Variants in ERCC6L2 observed in about 807,000 individuals in gnomAD.
The protein encoded by ERCC6L2 is ERCC excision repair 6 like 2.
Under a neutral mutation model 132.0 loss-of-function variants are expected in ERCC6L2, and 77 were observed. That is an observed-to-expected ratio of 0.58 (90% confidence interval 0.49 to 0.71). The LOEUF is 0.71. Ranked by LOEUF, ERCC6L2 falls within the 30% of genes least tolerant of loss-of-function variation. The pLI is 0.00. For synonymous variants in ERCC6L2, 583 were observed against 632.4 expected (o/e 0.92, Z 1.17); for missense variants, 1,542 against 1,837.6 (o/e 0.84, Z 2.94).
intron 7 of ERCC6L2, 128 bp downstream of exon 7, chr9:95,921,443 A>T (rs1189721695): frequency 5.1e-6 from 3 of 588,678 alleles, no homozygotes; most frequent in Non-Finnish European, 7.8e-6. Flanking sequence ...TGTCTTAAAA[A>T]ATAGTTTTCA....
chr9:95,930,002 A>G (rs1176112186), intron 11 of ERCC6L2, among the ~76,000 whole-genome samples: 6 of 152,226 alleles, frequency 3.9e-5, no homozygotes, highest in Non-Finnish European at 5.9e-5. Context: ...TAACCTATCC[A>G]TTGAATTTTT....
rs754908597 is a variant in ERCC6L2 at position 95,881,046 on chromosome 9, T to G, written c.224T>G (p.Val75Gly). The G allele has an allele frequency of 1.7e-5, 27 of 1,613,890 alleles. No individual in the cohort carries two copies. The highest frequency in any genetic ancestry group is 3.3e-5 in the Admixed American group (2 of 60,002). The change falls in exon 2 of 19, where the codon GTT becomes GGT. Residue 75 changes from valine (V) to glycine (G), a missense_variant. Coordinates refer to ENST00000653738, the MANE Select transcript of ERCC6L2 (RefSeq NM_020207.7). ...PLKQLQEVKF[V>G]KDCPRNLIFD... is the part of the protein sequence containing the mutation. ...AAACAGCTTCAAGAAGTGAAATTTG[T>G]TAAAGATTGCCCTAGGAATCTTATA...
intron 3 of ERCC6L2, among the ~76,000 whole-genome samples, chr9:95,901,774 G>T (rs1564206546): frequency 6.6e-6 from 1 of 152,192 alleles, no homozygotes. Flanking sequence ...ATACAAACGT[G>T]TTGAGTTAGT....
intron 3 of ERCC6L2, 87 bp downstream of exon 3, chr9:95,898,058 G>A: frequency 8.3e-7 from 1 of 1,202,992 alleles, no homozygotes; most frequent in Non-Finnish European, 1.1e-6. Flanking sequence ...ACATTAAAAT[G>A]TATTGGTATA....
rs533187115 is a variant in ERCC6L2 at position 95,953,645 on chromosome 9, A to G, written c.1848-2269A>G. Among the ~76,000 whole-genome samples, 8 of 152,192 alleles carry G rather than the reference A, an allele frequency of 5.3e-5. No individual in the cohort carries two copies. In the South Asian group the frequency reaches 1.7e-3, roughly 32 times the overall value. ...TTCTGGTGCTAATTTCAATTTTTAA[A>G]TTCATTTATTAAAAAAGAAAGGCCA... On this transcript the variant is annotated intron_variant, in intron 12 of 18. Coordinates refer to ENST00000653738, the MANE Select transcript of ERCC6L2 (RefSeq NM_020207.7).
chr9:95,973,002 C>G lies in ERCC6L2; in HGVS notation c.3251C>G (p.Thr1084Ser). 1 of 1,358,234 alleles carries G rather than the reference C, an allele frequency of 7.4e-7. No individual in the cohort carries two copies. The highest frequency in any genetic ancestry group is 9.8e-7 in the Non-Finnish European group (1 of 1,017,404). 84.1% of individuals were successfully genotyped at this position (1,358,234 alleles called of 1,614,324 possible). A position where few individuals can be genotyped will look rare whatever the true frequency, so the allele number is the denominator to read the frequency against. The change falls in exon 16 of 19, where the codon ACT (threonine) becomes AGT (serine). Residue 1084 changes from threonine (T) to serine (S), a missense_variant. By Grantham distance (58) the Thr-to-Ser change is moderately conservative. Around this residue, in one of 4 missense-constraint regions of ERCC6L2, gnomAD observed 442 missense variants for 583.4 expected, o/e 0.76. Coordinates refer to ENST00000653738, the MANE Select transcript of ERCC6L2 (RefSeq NM_020207.7). ...KLPSHNKKNS[T>S]FIPRKPMKCS... Reference sequence around the variant, plus strand: ...CCTAGCCATAATAAGAAAAATAGCACTTTTATTCCAAGAAAACCAATGAAA... The same window carrying G: ...CCTAGCCATAATAAGAAAAATAGCAGTTTTATTCCAAGAAAACCAATGAAA...
At chr9:96,025,542 A>G (rs1435621952) in intron 19 of ERCC6L2, among the ~76,000 whole-genome samples, 1 of 152,182 alleles carries the variant, frequency 6.6e-6, no homozygotes, top group Non-Finnish European at 1.5e-5. Flanking sequence ...AGTAGCAGGA[A>G]GGGACACTGA....
At chr9:95,962,059 A>G (rs1831928006) in intron 13 of ERCC6L2, among the ~76,000 whole-genome samples, 1 of 152,164 alleles carries the variant, frequency 6.6e-6, no homozygotes, top group Admixed American at 6.6e-5. Flanking sequence ...GTGGGAACAC[A>G]GCCAAACCGT....
chr9:95,907,826 T>TAA (rs1829122803), intron 4 of ERCC6L2, among the ~76,000 whole-genome samples: 1 of 40,870 alleles, frequency 2.4e-5, no homozygotes, highest in African/African-American at 6.9e-5. Flanking sequence ...GGGCAAAAAC[T>TAA]ACACACACAC....
chr9:95,916,518 T>C (rs1829599808), intron 6 of ERCC6L2, 84 bp downstream of exon 6: 4 of 1,156,466 alleles, frequency 3.5e-6, no homozygotes, highest in South Asian at 3.8e-5. Flanking sequence ...TCCTGTGGCA[T>C]TTTGTAAATA....
At chr9:95,945,150 C>T (rs557187778) in intron 12 of ERCC6L2, among the ~76,000 whole-genome samples, 6 of 152,288 alleles carry the variant, frequency 3.9e-5, no homozygotes, top group South Asian at 2.1e-4. Flanking sequence ...CCATAAAAGA[C>T]GGCCGCACCT....
chr9:95,937,404 T>G (rs368102243), intron 11 of ERCC6L2, among the ~76,000 whole-genome samples: 1 of 152,132 alleles, frequency 6.6e-6, no homozygotes, highest in East Asian at 1.9e-4. Flanking sequence ...CATGTGCTTC[T>G]TGTATAAAGC....
chr9:96,031,754 C>A (rs944467214), intron 19 of ERCC6L2, among the ~76,000 whole-genome samples: 2 of 152,192 alleles, frequency 1.3e-5, no homozygotes, highest in African/African-American at 4.8e-5. Flanking sequence ...TCCCTGGGGA[C>A]CCACTGCCTA....
intron 15 of ERCC6L2, 23 bp downstream of exon 15, chr9:95,970,679 G>A: frequency 1.6e-6 from 2 of 1,289,782 alleles, no homozygotes; most frequent in South Asian, 1.3e-5. Context: ...TGAACCTGTA[G>A]ACTACAACAC....
chr9:95,931,295 G>C (rs1830327657), intron 11 of ERCC6L2, among the ~76,000 whole-genome samples: 1 of 152,028 alleles, frequency 6.6e-6, no homozygotes, highest in African/African-American at 2.4e-5. Context: ...ATTCTCTTCT[G>C]TTGAGTCCTC....
At chr9:95,952,782 G>A (rs1270949356) in intron 12 of ERCC6L2, among the ~76,000 whole-genome samples, 1 of 151,728 alleles carries the variant, frequency 6.6e-6, no homozygotes, top group East Asian at 1.9e-4. Context: ...GAAGGTTGCA[G>A]TTTGCTGAGA....
intron 1 of ERCC6L2, 106 bp from the exon 2 acceptor site, chr9:95,880,763 G>A (rs1462298512): frequency 1.1e-6 from 1 of 950,712 alleles, no homozygotes; most frequent in Non-Finnish European, 1.5e-6. Context: ...CCAGTTTTTT[G>A]GAAAAGGCAT....
chr9:96,040,139 G>A (rs1834561975), intron 20 of ERCC6L2, among the ~76,000 whole-genome samples: 1 of 151,856 alleles, frequency 6.6e-6, no homozygotes, highest in Admixed American at 6.6e-5. Context: ...GGGTCTCCAA[G>A]AAACACAGTC....
chr9:95,901,055 C>G (rs1019515815), intron 3 of ERCC6L2, among the ~76,000 whole-genome samples: 3 of 147,578 alleles, frequency 2.0e-5, no homozygotes, highest in African/African-American at 7.6e-5. Flanking sequence ...GCTTGGGTGA[C>G]AGAGTGGTAC....
Sources: gnomAD v4.1 joint callset for allele counts (sites outside exome capture counted in the v4.1 genomes callset) on GRCh38, gnomAD v4.1.1 for gene constraint, gnomAD v4.1.1 regional missense constraint, MANE v1.5 for transcripts, NCBI Gene and HGNC (gene_info 2026-07-23, HGNC 2026-07-21) for gene names.